Variants in SHANK2 observed in about 807,000 individuals in gnomAD.
SHANK2 encodes the protein SH3 and multiple ankyrin repeat domains protein 2.
A neutral mutation model predicts 133.7 loss-of-function variants in SHANK2; 43 were observed. The observed-to-expected ratio is 0.32, with a 90% CI of 0.25 to 0.41. The LOEUF (loss-of-function observed/expected upper bound fraction) is 0.41. SHANK2 is among the 10% of genes least tolerant of loss of function. The pLI is 1.00. For synonymous variants in SHANK2, 1,017 were observed against 952.8 expected (o/e 1.07, Z -1.24); for missense variants, 1,994 against 2,235.8 (o/e 0.89, Z 2.18).
At chr11:71,069,035 CACCATCATCACCATCACCATGATT>C (rs1951106555) in intron 9 of SHANK2, among the ~76,000 whole-genome samples, 1 of 151,580 alleles carries the variant, frequency 6.6e-6, no homozygotes, top group South Asian at 2.1e-4. Flanking sequence ...TCGCCATGAC[CACCATCATCACCATCACCATGATT>C]ACCATCACCA....
At chr11:70,705,232 A>AT (rs1364890182) in intron 14 of SHANK2, 1 of 152,254 alleles carries the variant, frequency 6.6e-6, no homozygotes, top group Non-Finnish European at 1.5e-5. Context: ...ACTGGTTGTG[A>AT]TCAATGAGTT....
At chr11:71,058,510 T>C (rs1158152991) in intron 9 of SHANK2, among the ~76,000 whole-genome samples, 9 of 152,346 alleles carry the variant, frequency 5.9e-5, no homozygotes, top group Non-Finnish European at 1.2e-4. Context: ...CAGTTGGCTG[T>C]TTAGAATAAG....
rs782285873 is a variant in SHANK2, at chr11:71,118,926, T to C, written c.314A>G (p.Gln105Arg). ...LKDVLNYGLFQPASNGRDGKF... is the reference protein window; with the variant it reads ...LKDVLNYGLFRPASNGRDGKF... ...GCCGTCACGCCCATTGCTGGCCGGCTGGAACAGGCCGTAGTTCAGGACATC... is the reference window on the plus strand; with the variant it reads ...GCCGTCACGCCCATTGCTGGCCGGCCGGAACAGGCCGTAGTTCAGGACATC... Residue 105 changes from glutamine (Q) to arginine (R), a missense_variant, in exon 4 of 26, where the codon CAG (glutamine) becomes CGG (arginine). Coordinates refer to ENST00000601538, the MANE Select transcript of SHANK2 (RefSeq NM_012309.5). The C allele has an allele frequency of 1.9e-6, 3 of 1,551,666 alleles. No individual in the cohort carries two copies. The highest frequency in any genetic ancestry group is 2.6e-6 in the Non-Finnish European group (3 of 1,147,022).
intron 21 of SHANK2, among the ~76,000 whole-genome samples, chr11:70,492,747 A>G (rs1446367319): frequency 6.7e-6 from 1 of 149,206 alleles, no homozygotes; most frequent in Non-Finnish European, 1.5e-5. Context: ...AAGGGCTCTG[A>G]AGCTTTTTGG....
At chr11:70,635,648 G>C (rs2134115496) in intron 17 of SHANK2, among the ~76,000 whole-genome samples, 1 of 152,130 alleles carries the variant, frequency 6.6e-6, no homozygotes, top group East Asian at 1.9e-4. Context: ...ATGGTGAATG[G>C]AAATGTACTT....
At chr11:70,829,343 G>T (rs574325481) in intron 11 of SHANK2, among the ~76,000 whole-genome samples, 2 of 152,178 alleles carry the variant, frequency 1.3e-5, no homozygotes, top group African/African-American at 4.8e-5. Flanking sequence ...TCCGGTGCGT[G>T]TGCAGCAGCT....
At chr11:70,598,926 C>CA (rs61220609) in intron 17 of SHANK2, among the ~76,000 whole-genome samples, 60,797 of 112,806 alleles carry the variant, frequency 0.54, 14,816 homozygotes, top group Admixed American at 0.59. Context: ...AGCTGCATGT[C>CA]AAAAAAAAAA....
At chr11:70,862,457 C>T (rs782420625) in intron 11 of SHANK2, among the ~76,000 whole-genome samples, 14 of 152,176 alleles carry the variant, frequency 9.2e-5, no homozygotes, top group Non-Finnish European at 1.9e-4. Context: ...TGCAATACGT[C>T]AGTTGGTATT....
intron 11 of SHANK2, among the ~76,000 whole-genome samples, chr11:70,839,820 A>C (rs782601294): frequency 6.6e-6 from 1 of 152,210 alleles, no homozygotes; most frequent in African/African-American, 2.4e-5. Flanking sequence ...ATCCAAATGC[A>C]CATTTATATT....
At chr11:70,570,908 C>T (rs1175287369) in intron 17 of SHANK2, among the ~76,000 whole-genome samples, 1 of 152,148 alleles carries the variant, frequency 6.6e-6, no homozygotes, top group Non-Finnish European at 1.5e-5. Flanking sequence ...TGAGAGTGGA[C>T]AGTTTCATAA....
chr11:70,948,159 C>T (rs781831017), intron 10 of SHANK2: 31 of 400,276 alleles, frequency 7.7e-5, no homozygotes, highest in Non-Finnish European at 1.5e-4. Flanking sequence ...TCACAGAAGC[C>T]GCCCTCGGCT....
At chr11:70,928,416 G>A (rs1466525552) in intron 10 of SHANK2, among the ~76,000 whole-genome samples, 1 of 152,168 alleles carries the variant, frequency 6.6e-6, no homozygotes, top group African/African-American at 2.4e-5. Flanking sequence ...GGGCTGCCCA[G>A]GACAGTCCTA....
intron 17 of SHANK2, among the ~76,000 whole-genome samples, chr11:70,605,438 G>A (rs1264450153): frequency 1.3e-5 from 2 of 152,236 alleles, no homozygotes; most frequent in Non-Finnish European, 2.9e-5. Flanking sequence ...CTCATGTTTA[G>A]GCTGGACACT....
At chr11:70,912,360 T>C (rs1327881836) in intron 10 of SHANK2, among the ~76,000 whole-genome samples, 1 of 152,150 alleles carries the variant, frequency 6.6e-6, no homozygotes, top group Non-Finnish European at 1.5e-5. Flanking sequence ...TCAACTTGAA[T>C]TGTATCTCCC....
At chr11:70,946,061 C>T (rs12421523) in intron 10 of SHANK2, among the ~76,000 whole-genome samples, 88,594 of 142,798 alleles carry the variant, frequency 0.62, 31,660 homozygotes, top group Non-Finnish European at 0.78. Flanking sequence ...CCTCCCTCTC[C>T]GCTAACCAAC....
chr11:71,167,450 G>C (rs1953181900), intron 2 of SHANK2, among the ~76,000 whole-genome samples: 1 of 146,362 alleles, frequency 6.8e-6, no homozygotes, highest in South Asian at 2.2e-4. Flanking sequence ...CGGGGCGGCT[G>C]GCCGGGCAGA....
chr11:71,063,896 C>A (rs998820197), intron 9 of SHANK2, among the ~76,000 whole-genome samples: 1 of 152,094 alleles, frequency 6.6e-6, no homozygotes, highest in Non-Finnish European at 1.5e-5. Flanking sequence ...GCACTGTGCC[C>A]GCTGAGAACA....
At chr11:70,681,671 C>A (rs1220096716) in intron 15 of SHANK2, among the ~76,000 whole-genome samples, 2 of 152,118 alleles carry the variant, frequency 1.3e-5, no homozygotes, top group African/African-American at 4.8e-5. Flanking sequence ...ACGCTGAGCT[C>A]CCCAGATTAC....
At chr11:70,553,556 G>C (rs2059795397) in intron 17 of SHANK2, among the ~76,000 whole-genome samples, 1 of 152,118 alleles carries the variant, frequency 6.6e-6, no homozygotes, top group African/African-American at 2.4e-5. Context: ...CTCCTGTCCT[G>C]ACAGCTCAGT....
Sources: allele counts gnomAD v4.1 joint callset (sites outside exome capture counted in the v4.1 genomes callset), GRCh38; gene constraint gnomAD v4.1.1; transcripts MANE v1.5; gene names NCBI Gene and HGNC (gene_info 2026-07-23, HGNC 2026-07-21).